PPM1L: variants seen among roughly 807,000 people sequenced by gnomAD.
PPM1L encodes protein phosphatase 1L.
A neutral mutation model predicts 31.4 loss-of-function variants in PPM1L; 13 were observed. The ratio of observed to expected loss-of-function variants is 0.41; its 90% CI spans 0.27 to 0.66. The LOEUF is 0.66. Among genes scored for constraint, PPM1L ranks in the 30% least tolerant of loss-of-function variants. The pLI, the probability that PPM1L is intolerant of heterozygous loss-of-function variation, is 0.29. For missense variants in PPM1L, 326 were observed against 453.7 expected (o/e 0.72, Z 2.56); for synonymous variants, 184 against 175.4 (o/e 1.05, Z -0.39).
chr3:160,812,599 T>A (rs191303485), intron 1 of PPM1L, among the ~76,000 whole-genome samples: 32 of 151,800 alleles, frequency 2.1e-4, no homozygotes, highest in Admixed American at 7.9e-4. Flanking sequence ...ATAGAAAACG[T>A]TTAATAGGAG....
rs968871430 is a variant in PPM1L, at chr3:160,789,597, A to G, written c.399+32890A>G. On this transcript the variant is annotated intron_variant, in intron 1 of 3. Coordinates refer to ENST00000498165, the MANE Select transcript of PPM1L (RefSeq NM_139245.4). ...CCATAATATGTATATAATTATACATATGTTAATTATGTTAAGGAACTATAT... is the reference window on the plus strand; with the variant it reads ...CCATAATATGTATATAATTATACATGTGTTAATTATGTTAAGGAACTATAT... Among the ~76,000 whole-genome samples the G allele has an allele frequency of 5.3e-5, 8 of 152,042 alleles. No homozygotes were observed. In the East Asian group the frequency reaches 1.5e-3, roughly 29 times the overall value.
intron 1 of PPM1L, among the ~76,000 whole-genome samples, chr3:160,885,656 AG>A (rs1448015257): frequency 6.6e-6 from 1 of 152,244 alleles, no homozygotes; most frequent in Non-Finnish European, 1.5e-5. Flanking sequence ...CAAGGGAGGC[AG>A]TGAGTGAGCA....
rs1333842621 is a variant in PPM1L at position 161,073,570 on chromosome 3, C to G, written c.*4413C>G. 1.4e-5 allele frequency: 2 copies of G among 146,764 alleles called. No homozygotes were observed. The highest frequency in any genetic ancestry group is 6.8e-5 in the Admixed American group (1 of 14,608). 9.1% of individuals were successfully genotyped at this position (146,764 alleles called of 1,614,324 possible). On this transcript the variant is annotated 3_prime_UTR_variant, in exon 4 of 4. Transcript: ENST00000498165. ...TTAAAGCTCTAAACATCATCCCCCCCTTTTTTTTTTTAACGGAATCTCGCT... is the reference window on the plus strand; with the variant it reads ...TTAAAGCTCTAAACATCATCCCCCCGTTTTTTTTTTTAACGGAATCTCGCT...
intron 1 of PPM1L, among the ~76,000 whole-genome samples, chr3:160,845,653 T>C (rs1714054518): frequency 6.6e-6 from 1 of 152,088 alleles, no homozygotes; most frequent in Admixed American, 6.6e-5. Context: ...AGCCCTATTA[T>C]ACATTTTGAC....
At chr3:160,771,926 C>T (rs1215826460) in intron 1 of PPM1L, among the ~76,000 whole-genome samples, 1 of 151,372 alleles carries the variant, frequency 6.6e-6, no homozygotes, top group Non-Finnish European at 1.5e-5. Flanking sequence ...CTAATGATTT[C>T]AGAAGAGAGA....
At chr3:161,014,986 A>G (rs550188769) in intron 2 of PPM1L, among the ~76,000 whole-genome samples, 4 of 152,160 alleles carry the variant, frequency 2.6e-5, no homozygotes, top group African/African-American at 9.6e-5. Context: ...GGAGCTGGCA[A>G]AGAATCTTTG....
chr3:160,816,261 TTGTGTGTG>T (rs71147385), intron 1 of PPM1L, among the ~76,000 whole-genome samples: 43 of 147,978 alleles, frequency 2.9e-4, no homozygotes, highest in African/African-American at 7.7e-4. Context: ...GCAGTTTCAT[TTGTGTGTG>T]TGTGTGTGTG....
rs909586328 is a variant in PPM1L at position 161,077,192 on chromosome 3, G to T, written c.*8035G>T. 6.6e-6 allele frequency: 1 copy of T among 152,198 alleles called. No individual in the cohort carries two copies. The highest frequency in any genetic ancestry group is 2.1e-4 in the South Asian group (1 of 4,830). The allele number at this position is 152,198 out of a possible 1,614,324, so 9.4% of individuals were successfully genotyped here. ...GATTTGTTGGGACAGGGCAGAATTA[G>T]AATAATTATTTCTCACATATAAGAG... On this transcript the variant is annotated 3_prime_UTR_variant, in exon 4 of 4. Coordinates refer to ENST00000498165, the MANE Select transcript of PPM1L (RefSeq NM_139245.4).
At chr3:160,900,745 G>A (rs1401814358) in intron 1 of PPM1L, among the ~76,000 whole-genome samples, 1 of 151,940 alleles carries the variant, frequency 6.6e-6, no homozygotes, top group Non-Finnish European at 1.5e-5. Flanking sequence ...TTTCTTGCCT[G>A]CTATACACTC....
At chr3:160,920,101 G>A (rs1714335811) in intron 1 of PPM1L, among the ~76,000 whole-genome samples, 1 of 152,078 alleles carries the variant, frequency 6.6e-6, no homozygotes, top group African/African-American at 2.4e-5. Context: ...GTCTGAAATG[G>A]CACTTCACTC....
In PPM1L at chr3:161,068,920, A is replaced by G; in HGVS notation, c.846A>G (p.Pro282=). ...ATCTCAACGTGGTCATCCCAGACCC[A>G]GACATCCTGACCTTTGACCTGGACA... The part of the protein sequence containing the change: ...LKNLNVVIPD[P]DILTFDLDKL... The change falls in exon 4 of 4, where the codon CCA becomes CCG. Residue 282 remains proline (P), a synonymous_variant. Transcript: ENST00000498165. The G allele has an allele frequency of 4.3e-6, 7 of 1,614,206 alleles. No individual in the cohort carries two copies. Among genetic ancestry groups the G allele is most frequent in the Non-Finnish European group, 5.9e-6 (7 of 1,180,026 alleles).
chr3:160,857,527 C>T (rs1711754695), intron 1 of PPM1L, among the ~76,000 whole-genome samples: 1 of 152,010 alleles, frequency 6.6e-6, no homozygotes, highest in Non-Finnish European at 1.5e-5. Flanking sequence ...GTGGCTGGGA[C>T]CATATGGTTT....
At chr3:160,985,438 G>A (rs1018137669) in intron 2 of PPM1L, among the ~76,000 whole-genome samples, 2 of 152,160 alleles carry the variant, frequency 1.3e-5, no homozygotes, top group African/African-American at 2.4e-5. Flanking sequence ...GGACCAATCA[G>A]GCATGTCCTA....
chr3:161,053,315 G>A (rs1360132083), intron 2 of PPM1L, among the ~76,000 whole-genome samples: 1 of 152,182 alleles, frequency 6.6e-6, no homozygotes, highest in Admixed American at 6.5e-5. Flanking sequence ...CCTCAAAATA[G>A]TCATGCCCAG....
At chr3:160,852,335 A>G (rs185747400) in intron 1 of PPM1L, among the ~76,000 whole-genome samples, 2 of 152,294 alleles carry the variant, frequency 1.3e-5, no homozygotes, top group East Asian at 3.9e-4. Flanking sequence ...ATATAGCCTC[A>G]CTCCAAAAGC....
chr3:160,790,257 A>T lies in PPM1L; in HGVS notation c.399+33550A>T, dbSNP rs1224282197. The stretch of plus-strand genomic sequence containing the variant: ...TATTACGCTGATAAATGATTTGTTT[A>T]TTTGACATTAATTTTGTTTGTGAGT... On this transcript the variant is annotated intron_variant, in intron 1 of 3. Coordinates refer to ENST00000498165, the MANE Select transcript of PPM1L (RefSeq NM_139245.4). 2.0e-5 allele frequency among the ~76,000 whole-genome samples: 3 copies of T among 152,098 alleles called. No homozygotes were observed. In the East Asian group the frequency reaches 5.8e-4, roughly 29 times the overall value.
chr3:160,798,503 T>C (rs752746276), intron 1 of PPM1L, among the ~76,000 whole-genome samples: 8 of 152,244 alleles, frequency 5.3e-5, no homozygotes, highest in Non-Finnish European at 1.0e-4. Context: ...AGTCTGCTTA[T>C]GCTCTCGAAA....
chr3:160,840,529 A>C (rs539457872), intron 1 of PPM1L, among the ~76,000 whole-genome samples: 4 of 152,228 alleles, frequency 2.6e-5, no homozygotes, highest in Middle Eastern at 3.4e-3. Flanking sequence ...ATGCAAGCTG[A>C]AGAACCCAGG....
chr3:160,992,458 A>C (rs1576767290), intron 2 of PPM1L, among the ~76,000 whole-genome samples: 1 of 152,206 alleles, frequency 6.6e-6, no homozygotes, highest in African/African-American at 2.4e-5. Context: ...AATTCAATTC[A>C]AACTAGCTTA....
Sources: allele counts gnomAD v4.1 joint callset (sites outside exome capture counted in the v4.1 genomes callset), GRCh38; gene constraint gnomAD v4.1.1; transcripts MANE v1.5; gene names NCBI Gene and HGNC (gene_info 2026-07-23, HGNC 2026-07-21).